The following AP1S3 variants were observed in gnomAD, a reference collection of about 807,000 sequenced individuals.
AP1S3 encodes adaptor related protein complex 1 subunit sigma 3, also known as AP-1 complex subunit sigma-3.
AP1S3 carries 10 observed loss-of-function variants against 20.9 expected under a neutral mutation model. The observed-to-expected ratio is 0.48, with a 90% CI of 0.29 to 0.81. The LOEUF (loss-of-function observed/expected upper bound fraction) is 0.81. Ranked by LOEUF, AP1S3 falls within the 30% of genes least tolerant of loss-of-function variation. The probability of loss-of-function intolerance (pLI) is 0.08; values close to 1 mark genes in which losing one functional copy is unlikely to be tolerated. For synonymous variants in AP1S3, 41 were observed against 61.5 expected (o/e 0.67, Z 1.56); for missense variants, 154 against 183.8 (o/e 0.84, Z 0.94).
intron 1 of AP1S3, among the ~76,000 whole-genome samples, chr2:223,829,125 C>T (rs28430762): frequency 0.32 from 48,735 of 151,842 alleles, 8,204 homozygotes; most frequent in Middle Eastern, 0.41. Flanking sequence ...TGAGCCACTG[C>T]ACCCAGCCAG....
Position 223,837,543 on chromosome 2 carries a change from G to T in AP1S3, c.-93C>A. The T allele has an allele frequency of 1.2e-6, 1 of 815,656 alleles. No homozygotes were observed. The highest frequency in any genetic ancestry group is 1.8e-5 in the African/African-American group (1 of 56,602). 50.5% of individuals were successfully genotyped at this position (815,656 alleles called of 1,614,324 possible). Reference sequence around the variant, plus strand: ...AGCGCTGGAGCCGGTGCGGCTGACAGGTGAGGCGCCCGGCTTAGACCATGG... The same window carrying T: ...AGCGCTGGAGCCGGTGCGGCTGACATGTGAGGCGCCCGGCTTAGACCATGG... On this transcript the variant is annotated 5_prime_UTR_variant, in exon 1 of 5. In the 5' UTR this introduces an upstream ATG that the reference lacks. Transcript: ENST00000396654.
intron 1 of AP1S3, among the ~76,000 whole-genome samples, chr2:223,796,473 T>C (rs971076827): frequency 1.3e-5 from 2 of 152,188 alleles, no homozygotes; most frequent in Non-Finnish European, 1.5e-5. Flanking sequence ...CTTTCCATTA[T>C]TATTATTTAA....
intron 3 of AP1S3, among the ~76,000 whole-genome samples, chr2:223,766,846 C>G (rs1048410285): frequency 2.6e-5 from 4 of 152,130 alleles, no homozygotes; most frequent in African/African-American, 9.7e-5. Flanking sequence ...AAATGTGGGA[C>G]ATATACACCA....
intron 1 of AP1S3, among the ~76,000 whole-genome samples, chr2:223,820,327 T>C (rs1345120): frequency 0.5 from 75,663 of 151,960 alleles, 18,948 homozygotes; most frequent in Middle Eastern, 0.58. Flanking sequence ...TGGCTTGGAA[T>C]GTAATATGCA....
At chr2:223,793,806 T>G (rs1384632181) in intron 1 of AP1S3, among the ~76,000 whole-genome samples, 1 of 144,924 alleles carries the variant, frequency 6.9e-6, no homozygotes, top group Non-Finnish European at 1.5e-5. Flanking sequence ...ACCTAATACG[T>G]TTTTTTTTTG....
At chr2:223,798,498 C>T (rs923434405) in intron 1 of AP1S3, among the ~76,000 whole-genome samples, 2 of 152,170 alleles carry the variant, frequency 1.3e-5, no homozygotes, top group African/African-American at 4.8e-5. Flanking sequence ...AAGTAACCTG[C>T]AGAATAAAAG....
chr2:223,765,127 A>G, intron 4 of AP1S3, 86 bp downstream of exon 4: 3 of 1,503,410 alleles, frequency 2.0e-6, no homozygotes, highest in Non-Finnish European at 2.7e-6. Context: ...GTAAGTACTC[A>G]GTAAGTCTGG....
intron 4 of AP1S3, 64 bp from the exon 5 acceptor site, chr2:223,758,814 A>G: frequency 1.3e-5 from 18 of 1,346,158 alleles, no homozygotes; most frequent in Non-Finnish European, 1.9e-5. Flanking sequence ...CAGACTGTGA[A>G]ATCTTCTGCA....
At chr2:223,812,414 G>GT (rs1405774267) in intron 1 of AP1S3, among the ~76,000 whole-genome samples, 1 of 152,096 alleles carries the variant, frequency 6.6e-6, no homozygotes, top group African/African-American at 2.4e-5. Flanking sequence ...TAGAGATGGG[G>GT]TTTTGCCATG....
chr2:223,772,977 T>G (rs1048625069), intron 3 of AP1S3, among the ~76,000 whole-genome samples: 4 of 152,238 alleles, frequency 2.6e-5, no homozygotes, highest in Non-Finnish European at 5.9e-5. Flanking sequence ...AATGAAAGAT[T>G]CATTGAATTT....
intron 3 of AP1S3, among the ~76,000 whole-genome samples, chr2:223,773,570 A>G (rs1044052369): frequency 6.6e-6 from 1 of 152,226 alleles, no homozygotes; most frequent in Admixed American, 6.5e-5. Flanking sequence ...CTGAAGCAAC[A>G]TTTTAGGTCT....
At chr2:223,806,212 G>A (rs1310168216) in intron 1 of AP1S3, among the ~76,000 whole-genome samples, 2 of 151,488 alleles carry the variant, frequency 1.3e-5, no homozygotes, top group African/African-American at 4.9e-5. Flanking sequence ...AATCACGTCA[G>A]GAAATGCAAA....
At chr2:223,784,062 C>T (rs1272297652) in intron 1 of AP1S3, among the ~76,000 whole-genome samples, 1 of 37,954 alleles carries the variant, frequency 2.6e-5, no homozygotes, top group African/African-American at 9.8e-5. Flanking sequence ...CAAACCCGAT[C>T]AGCACCCATC....
intron 1 of AP1S3, among the ~76,000 whole-genome samples, chr2:223,822,376 C>T (rs1241572906): frequency 6.6e-6 from 1 of 150,570 alleles, no homozygotes; most frequent in Non-Finnish European, 1.5e-5. Context: ...CAGTAAGATC[C>T]TGTCTTAAAA....
At chr2:223,815,488 G>C (rs1370552149) in intron 1 of AP1S3, among the ~76,000 whole-genome samples, 1 of 152,136 alleles carries the variant, frequency 6.6e-6, no homozygotes, top group Non-Finnish European at 1.5e-5. Flanking sequence ...CCAAGTTTAC[G>C]AGCCACCTTC....
Position 223,758,600 on chromosome 2 carries a change from C to A in AP1S3, c.*115G>T. 4.4e-6 allele frequency: 6 copies of A among 1,370,756 alleles called. No individual in the cohort carries two copies. Among genetic ancestry groups the A allele is most frequent in the Non-Finnish European group, 4.7e-6 (5 of 1,057,456 alleles). The allele number at this position is 1,370,756 out of a possible 1,614,324, so 84.9% of individuals were successfully genotyped here. ...TAACTTTGTTAGTTAACAAAGAATCCCTTTAAATTATTTTTGGCATGGTGC... is the reference window on the plus strand; with the variant it reads ...TAACTTTGTTAGTTAACAAAGAATCACTTTAAATTATTTTTGGCATGGTGC... On this transcript the variant is annotated 3_prime_UTR_variant, in exon 5 of 5. Transcript: ENST00000396654.
intron 2 of AP1S3, 70 bp from the exon 3 acceptor site, chr2:223,776,079 G>T: frequency 8.5e-7 from 1 of 1,179,112 alleles, no homozygotes; most frequent in Non-Finnish European, 1.2e-6. Context: ...TTTTTCCCAC[G>T]AATATGCAGT....
At chr2:223,808,093 T>C (rs1380838072) in intron 1 of AP1S3, among the ~76,000 whole-genome samples, 1 of 152,028 alleles carries the variant, frequency 6.6e-6, no homozygotes, top group East Asian at 1.9e-4. Flanking sequence ...TTTCACCATG[T>C]TGGCCAGGCT....
chr2:223,816,896 G>C (rs1167452085), intron 1 of AP1S3, among the ~76,000 whole-genome samples: 1 of 152,214 alleles, frequency 6.6e-6, no homozygotes, highest in African/African-American at 2.4e-5. Context: ...GGGAGGCCAA[G>C]GCGAGTGGAT....
Sources: allele counts gnomAD v4.1 joint callset (sites outside exome capture counted in the v4.1 genomes callset), GRCh38; gene constraint gnomAD v4.1.1; transcripts MANE v1.5; gene names NCBI Gene and HGNC (gene_info 2026-07-23, HGNC 2026-07-21).